The following SLC25A13 variants were observed in gnomAD, a reference collection of about 807,000 sequenced individuals.
SLC25A13 encodes the protein electrogenic aspartate/glutamate antiporter SLC25A13, mitochondrial.
In SLC25A13, 70 loss-of-function variants were observed where a neutral mutation model predicts 85.5. The observed-to-expected ratio is 0.82, with a 90% CI of 0.68 to 1.00. SLC25A13 has a LOEUF of 1.00. Ranked by LOEUF, SLC25A13 falls within the 50% of genes least tolerant of loss-of-function variation. The pLI is 0.00. For synonymous variants in SLC25A13, 259 were observed against 288.7 expected, an observed-to-expected ratio of 0.90 and a Z score of 1.04; for missense variants, 765 against 819.8, an observed-to-expected ratio of 0.93 and a Z score of 0.82.
chr7:96,171,543 T>C lies in SLC25A13; in HGVS notation c.1178-19A>G, dbSNP rs1471059436. On this transcript the variant is annotated intron_variant, in intron 11 of 17. Coordinates refer to ENST00000265631, the MANE Select transcript of SLC25A13 (RefSeq NM_014251.3). ...AACAGACCTAAAAATCAACAAAAAGTAGAAGTATATTAAATAAATTAGCAT... is the reference window on the plus strand; with the variant it reads ...AACAGACCTAAAAATCAACAAAAAGCAGAAGTATATTAAATAAATTAGCAT... 2.5e-6 allele frequency: 4 copies of C among 1,599,282 alleles called. No homozygotes were observed. Among genetic ancestry groups the C allele is most frequent in the Middle Eastern group, 1.7e-4 (1 of 6,026 alleles).
intron 2 of SLC25A13, among the ~76,000 whole-genome samples, chr7:96,295,488 G>A (rs907105568): frequency 3.3e-5 from 5 of 152,048 alleles, no homozygotes; most frequent in African/African-American, 1.2e-4. Context: ...CAACAAAACT[G>A]GATTATTTAA....
rs541703758 is a variant in SLC25A13, at chr7:96,305,662, T to G, written c.16-8711A>C. 5.4e-4 allele frequency among the ~76,000 whole-genome samples: 83 copies of G among 152,314 alleles called. 3 individuals are homozygous for G. The South Asian group carries it at 0.017, about 31-fold the overall frequency. On this transcript the variant is annotated intron_variant, in intron 1 of 17. Transcript: ENST00000265631. ...GAATATAAAAAGTATATGACGTATTTATAAAGTGCTGAAAAGCTCTACTTA... is the reference window on the plus strand; with the variant it reads ...GAATATAAAAAGTATATGACGTATTGATAAAGTGCTGAAAAGCTCTACTTA...
At chr7:96,136,650 C>G (rs75885776) in intron 14 of SLC25A13, among the ~76,000 whole-genome samples, 173 of 152,286 alleles carry the variant, frequency 1.1e-3, no homozygotes, top group African/African-American at 4.0e-3. Flanking sequence ...AGGGCCAGGG[C>G]AGGTCTTTTT....
chr7:96,298,229 T>C (rs115738208), intron 1 of SLC25A13, among the ~76,000 whole-genome samples: 2,710 of 152,272 alleles, frequency 0.018, 44 homozygotes, highest in South Asian at 0.055. Flanking sequence ...CTTTGGACAA[T>C]GAGTTCTCTG....
intron 2 of SLC25A13, among the ~76,000 whole-genome samples, chr7:96,282,302 GC>G (rs1297318210): frequency 2.6e-5 from 4 of 152,052 alleles, no homozygotes; most frequent in Non-Finnish European, 4.4e-5. Flanking sequence ...GTCCTATCTG[GC>G]CTGCTCACCA....
chr7:96,260,435 A>T (rs1242515626), intron 3 of SLC25A13, among the ~76,000 whole-genome samples: 1 of 152,062 alleles, frequency 6.6e-6, no homozygotes, highest in Non-Finnish European at 1.5e-5. Context: ...TAATCAATAC[A>T]AAAAAGACCC....
rs776263797 is a variant in SLC25A13 at position 96,294,610 on chromosome 7, GA to G, written c.69+2287del. On this transcript the variant is annotated intron_variant, in intron 2 of 17. Coordinates refer to ENST00000265631, the MANE Select transcript of SLC25A13 (RefSeq NM_014251.3). ...GGAGACACAGTGAGACTCTGTCTCA[GA>G]AAAAAAAAAAAAGAAAAAAAAGAAA... Among the ~76,000 whole-genome samples the G allele has an allele frequency of 5.3e-3, 711 of 135,086 alleles. 8 individuals are homozygous for G. Among genetic ancestry groups the G allele is most frequent in the East Asian group, 0.033 (149 of 4,474 alleles). The allele number at this position is 135,086 out of a possible 152,430, so 88.6% of individuals were successfully genotyped here.
intron 2 of SLC25A13, among the ~76,000 whole-genome samples, chr7:96,286,607 G>A (rs1798896214): frequency 6.6e-6 from 1 of 152,032 alleles, no homozygotes; most frequent in Admixed American, 6.6e-5. Flanking sequence ...AATTAATCCT[G>A]TACACTACTT....
chr7:96,280,393 C>T (rs1250538197), intron 2 of SLC25A13, among the ~76,000 whole-genome samples: 1 of 151,958 alleles, frequency 6.6e-6, no homozygotes, highest in Admixed American at 6.6e-5. Flanking sequence ...GTTGCTGCTC[C>T]CTAAAAAAAT....
chr7:96,306,897 C>G, intron 1 of SLC25A13: 1 of 1,098,584 alleles, frequency 9.1e-7, no homozygotes, highest in Non-Finnish European at 1.4e-6. Context: ...ACTCCAATCT[C>G]TCTTGCCCTT....
chr7:96,322,062 G>A lies in SLC25A13; in HGVS notation c.-106C>T. The A allele has an allele frequency of 6.9e-7, 1 of 1,443,270 alleles. No homozygotes were observed. Among genetic ancestry groups the A allele is most frequent in the Non-Finnish European group, 9.4e-7 (1 of 1,068,838 alleles). The allele number at this position is 1,443,270 out of a possible 1,614,324, so 89.4% of individuals were successfully genotyped here. ...CCCGGCGGCGGCGGCGGTGGGGGCG[G>A]CGATACGGCCAGGCAGCGTGCGTTC... On this transcript the variant is annotated 5_prime_UTR_variant, in exon 1 of 18. Coordinates refer to ENST00000265631, the MANE Select transcript of SLC25A13 (RefSeq NM_014251.3).
Position 96,196,519 on chromosome 7 carries a change from CA to C in SLC25A13, c.469-3337del, listed in dbSNP as rs1795069426. On this transcript the variant is annotated intron_variant, in intron 5 of 17. Transcript: ENST00000265631. ...GGGGGCTGGTGCTCACATAGCAGGA[CA>C]GGGGACATACCTGTGATTAGGACAG... Among the ~76,000 whole-genome samples, 4 of 152,176 alleles carry C rather than the reference CA, an allele frequency of 2.6e-5. No homozygotes were observed. In the South Asian group the frequency reaches 8.3e-4, roughly 31 times the overall value.
intron 1 of SLC25A13, among the ~76,000 whole-genome samples, chr7:96,310,883 C>T (rs1745740936): frequency 6.6e-6 from 1 of 152,086 alleles, no homozygotes; most frequent in Non-Finnish European, 1.5e-5. Context: ...GTAAAATATA[C>T]ATACCATAAA....
At chr7:96,213,320 T>C (rs969930066) in intron 4 of SLC25A13, among the ~76,000 whole-genome samples, 8 of 152,236 alleles carry the variant, frequency 5.3e-5, no homozygotes, top group Admixed American at 2.6e-4. Context: ...GAGGCACAAA[T>C]AGCTTTCTCA....
intron 2 of SLC25A13, among the ~76,000 whole-genome samples, chr7:96,289,742 A>G (rs1267415895): frequency 6.6e-6 from 1 of 152,230 alleles, no homozygotes; most frequent in Non-Finnish European, 1.5e-5. Flanking sequence ...CAAAGCCTCC[A>G]AGAAATACGG....
chr7:96,225,287 G>A (rs78985251), intron 4 of SLC25A13, among the ~76,000 whole-genome samples: 4,768 of 152,192 alleles, frequency 0.031, 182 homozygotes, highest in African/African-American at 0.09. Context: ...GCTCATGCCT[G>A]TAATCCTAGC....
At chr7:96,215,460 T>C (rs1043415948) in intron 4 of SLC25A13, among the ~76,000 whole-genome samples, 2 of 152,090 alleles carry the variant, frequency 1.3e-5, no homozygotes, top group Non-Finnish European at 1.5e-5. Context: ...TGGTATAAGA[T>C]AGACACAGAG....
At chr7:96,216,328 A>C (rs1795899421) in intron 4 of SLC25A13, among the ~76,000 whole-genome samples, 1 of 152,130 alleles carries the variant, frequency 6.6e-6, no homozygotes, top group Admixed American at 6.6e-5. Flanking sequence ...ACCACTGTGG[A>C]ATACAGTGTG....
At chr7:96,269,544 T>G (rs1798155487) in intron 3 of SLC25A13, among the ~76,000 whole-genome samples, 1 of 152,208 alleles carries the variant, frequency 6.6e-6, no homozygotes, top group Non-Finnish European at 1.5e-5. Flanking sequence ...TCTTCACAAC[T>G]ATAAGCTTTC....
Sources: gnomAD v4.1 joint callset for allele counts (sites outside exome capture counted in the v4.1 genomes callset) on GRCh38, gnomAD v4.1.1 for gene constraint, MANE v1.5 for transcripts, NCBI Gene and HGNC (gene_info 2026-07-23, HGNC 2026-07-21) for gene names.